MARCHF8: variants seen among roughly 807,000 people sequenced by gnomAD.
MARCHF8 encodes membrane associated ring-CH-type finger 8, also known as E3 ubiquitin-protein ligase MARCHF8.
A neutral mutation model predicts 51.6 loss-of-function variants in MARCHF8; 40 were observed. The observed-to-expected ratio is 0.77, with a 90% CI of 0.60 to 1.01. The LOEUF is 1.01. Among genes scored for constraint, MARCHF8 ranks in the 50% least tolerant of loss-of-function variants. The pLI is 0.00. For missense variants in MARCHF8, 685 were observed against 708.6 expected, an observed-to-expected ratio of 0.97 and a Z score of 0.38; for synonymous variants, 263 against 280.3, an observed-to-expected ratio of 0.94 and a Z score of 0.62.
chr10:45,558,526 C>G (rs1024794571), intron 1 of MARCHF8, among the ~76,000 whole-genome samples: 6 of 152,254 alleles, frequency 3.9e-5, no homozygotes. Flanking sequence ...AAAGCAGCAG[C>G]TGTTGCCACA....
intron 2 of MARCHF8, among the ~76,000 whole-genome samples, chr10:45,522,808 G>A (rs1383348498): frequency 6.6e-6 from 1 of 152,166 alleles, no homozygotes; most frequent in East Asian, 1.9e-4. Flanking sequence ...ATGACTGGAT[G>A]AAAGGGATGA....
chr10:45,469,610 A>T (rs981648789), intron 3 of MARCHF8, among the ~76,000 whole-genome samples: 7 of 152,166 alleles, frequency 4.6e-5, no homozygotes, highest in African/African-American at 1.7e-4. Context: ...TCACGCCTGT[A>T]ATCCCAGCAC....
At chr10:45,560,298 G>C (rs1221504833) in intron 1 of MARCHF8, among the ~76,000 whole-genome samples, 2 of 152,176 alleles carry the variant, frequency 1.3e-5, no homozygotes, top group Non-Finnish European at 2.9e-5. Context: ...TTTTATAAAA[G>C]CTTTGGAAAA....
chr10:45,537,652 C>CA (rs559861085), upstream of MARCHF8, among the ~76,000 whole-genome samples: 1,171 of 77,864 alleles, frequency 0.015, 10 homozygotes, highest in African/African-American at 0.044. Context: ...GACCTTGTCT[C>CA]AAAAAAAAAA....
In MARCHF8 at chr10:45,492,510, G is replaced by T. The variant is rs373377329; in HGVS notation, c.103-3093C>A. The stretch of plus-strand genomic sequence containing the variant: ...GACGGGGTTTCACTGTGTTAGCCAG[G>T]ATGGTCTCGATCTCCTGACCTCGTG... On this transcript the variant is annotated intron_variant, in intron 2 of 7. Transcript: ENST00000453424. 2.0e-5 allele frequency among the ~76,000 whole-genome samples: 3 copies of T among 152,092 alleles called. No individual in the cohort carries two copies. In the East Asian group the frequency reaches 5.8e-4, roughly 29 times the overall value.
chr10:45,464,421 T>C (rs1326885474), intron 3 of MARCHF8, 94 bp from the exon 4 acceptor site: 2 of 1,009,438 alleles, frequency 2.0e-6, no homozygotes, highest in Non-Finnish European at 3.2e-6. Flanking sequence ...ACCCTAGAAA[T>C]GTCTGCTGCT....
At chr10:45,551,355 G>C in intron 1 of MARCHF8, among the ~76,000 whole-genome samples, 1 of 152,088 alleles carries the variant, frequency 6.6e-6, no homozygotes. Flanking sequence ...AGGATACCAA[G>C]AGTTTCTGTC....
intron 1 of MARCHF8, among the ~76,000 whole-genome samples, chr10:45,581,251 AC>A (rs1436904690): frequency 6.6e-6 from 1 of 152,100 alleles, no homozygotes; most frequent in Non-Finnish European, 1.5e-5. Flanking sequence ...CCTACAATAC[AC>A]AGAACAGTTC....
chr10:45,458,816 AT>A (rs1229525189), intron 7 of MARCHF8, among the ~76,000 whole-genome samples: 4 of 152,274 alleles, frequency 2.6e-5, no homozygotes, highest in Admixed American at 1.3e-4. Context: ...TGACCAATGG[AT>A]TCACAACTCA....
intron 2 of MARCHF8, 22 bp downstream of exon 2, chr10:45,533,087 TA>T (rs562055549): frequency 2.6e-6 from 4 of 1,566,474 alleles, no homozygotes; most frequent in Middle Eastern, 1.8e-4. Context: ...ATAATGAAAC[TA>T]AAAAAGATAC....
chr10:45,495,218 C>G (rs2133112014), intron 2 of MARCHF8, among the ~76,000 whole-genome samples: 1 of 151,770 alleles, frequency 6.6e-6, no homozygotes, highest in South Asian at 2.1e-4. Context: ...GACATTAAAA[C>G]TGACAGCGTA....
intron 2 of MARCHF8, among the ~76,000 whole-genome samples, chr10:45,518,596 G>A (rs971053460): frequency 3.9e-5 from 6 of 152,108 alleles, no homozygotes; most frequent in East Asian, 1.9e-4. Flanking sequence ...TACTCTAGAC[G>A]AGATATCCAG....
chr10:45,491,402 G>T (rs1284034317), intron 2 of MARCHF8, among the ~76,000 whole-genome samples: 2 of 152,118 alleles, frequency 1.3e-5, no homozygotes, highest in Admixed American at 6.5e-5. Flanking sequence ...GCCGGGCATG[G>T]TGGCACGTGC....
At chr10:45,543,464 C>T (rs1043689107) in intron 1 of MARCHF8, among the ~76,000 whole-genome samples, 3 of 152,032 alleles carry the variant, frequency 2.0e-5, no homozygotes, top group Non-Finnish European at 4.4e-5. Context: ...GATAAGCCAC[C>T]GACTGGGGGA....
intron 2 of MARCHF8, among the ~76,000 whole-genome samples, chr10:45,516,898 A>G (rs2043628531): frequency 3.3e-5 from 5 of 152,228 alleles, no homozygotes; most frequent in Admixed American, 3.3e-4. Context: ...GTTTCTCTCA[A>G]CACTCCCAGA....
At chr10:45,560,126 C>A (rs1003680142) in intron 1 of MARCHF8, among the ~76,000 whole-genome samples, 2 of 151,860 alleles carry the variant, frequency 1.3e-5, no homozygotes, top group Non-Finnish European at 2.9e-5. Context: ...CAAAGATTCA[C>A]AAGCAAAGAT....
At chr10:45,548,724 CA>C (rs1356477548) in intron 1 of MARCHF8, among the ~76,000 whole-genome samples, 4 of 152,112 alleles carry the variant, frequency 2.6e-5, no homozygotes, top group African/African-American at 9.7e-5. Flanking sequence ...TGCGTTTGGC[CA>C]GGCACGGTGG....
chr10:45,594,295 T>C (rs996069960), exon 1 of MARCHF8: 1 of 152,248 alleles, frequency 6.6e-6, no homozygotes, highest in African/African-American at 2.4e-5. Flanking sequence ...ACGTCAGACG[T>C]GGAAGGTCCT....
At chr10:45,570,005 TA>T (rs2044411971) in intron 1 of MARCHF8, among the ~76,000 whole-genome samples, 1 of 152,086 alleles carries the variant, frequency 6.6e-6, no homozygotes, top group Non-Finnish European at 1.5e-5. Flanking sequence ...TGACACAAGA[TA>T]AAACTTTTAA....
Sources: allele counts gnomAD v4.1 joint callset (sites outside exome capture counted in the v4.1 genomes callset), GRCh38; gene constraint gnomAD v4.1.1; transcripts MANE v1.5; gene names NCBI Gene and HGNC (gene_info 2026-07-23, HGNC 2026-07-21).